Variants in EXOC3L2 observed in about 807,000 individuals in gnomAD.
EXOC3L2 encodes exocyst complex component 3-like protein 2.
Under a neutral mutation model 44.4 loss-of-function variants are expected in EXOC3L2, and 17 were observed. The observed-to-expected ratio is 0.38, with a 90% CI of 0.26 to 0.57. The LOEUF (loss-of-function observed/expected upper bound fraction) is 0.57, where lower values mean the gene tolerates loss of function less well. Among genes scored for constraint, EXOC3L2 ranks in the 20% least tolerant of loss-of-function variants. EXOC3L2 has a pLI of 0.65. For missense variants in EXOC3L2, 541 were observed against 588.4 expected (o/e 0.92, Z 0.83); for synonymous variants, 256 against 253.7 (o/e 1.01, Z -0.09).
chr19:45,215,958 A>G, intron 11 of EXOC3L2, 115 bp downstream of exon 11: 1 of 1,447,016 alleles, frequency 6.9e-7, no homozygotes, highest in Non-Finnish European at 9.3e-7. Context: ...AACGGCCGTC[A>G]GACACGCTCA....
chr19:45,245,114 C>T (rs936350814), intron 1 of EXOC3L2, among the ~76,000 whole-genome samples: 4 of 151,962 alleles, frequency 2.6e-5, no homozygotes, highest in African/African-American at 9.7e-5. Flanking sequence ...GTGGACCCCG[C>T]GAGTCCTCAA....
intron 4 of EXOC3L2, among the ~76,000 whole-genome samples, chr19:45,229,782 T>C (rs1970010172): frequency 6.7e-6 from 1 of 149,236 alleles, no homozygotes; most frequent in South Asian, 2.1e-4. Context: ...GAGGAGGAGG[T>C]TGCGGTGAGC....
chr19:45,212,940 A>G lies in EXOC3L2; in HGVS notation c.*129T>C. ...TACAGGGAGTTTGGGGTTGGGTGAA[A>G]AGACATCTAAGGGTCTTTCTATCCC... On this transcript the variant is annotated 3_prime_UTR_variant, in exon 12 of 12. Transcript: ENST00000413988. 1 of 1,113,420 alleles carries G rather than the reference A, an allele frequency of 9.0e-7. No individual in the cohort carries two copies. The highest frequency in any genetic ancestry group is 1.2e-6 in the Non-Finnish European group (1 of 835,282). The allele number at this position is 1,113,420 out of a possible 1,614,324, so 69.0% of individuals were successfully genotyped here.
chr19:45,228,760 A>G (rs995716281), intron 4 of EXOC3L2, among the ~76,000 whole-genome samples: 3 of 151,956 alleles, frequency 2.0e-5, no homozygotes, highest in Non-Finnish European at 4.4e-5. Flanking sequence ...CAACAGGGTG[A>G]GACTCCAACT....
intron 1 of EXOC3L2, among the ~76,000 whole-genome samples, chr19:45,242,848 C>T (rs537142808): frequency 2.4e-5 from 3 of 127,216 alleles, no homozygotes; most frequent in South Asian, 2.5e-4. Context: ...GGCAACAGAG[C>T]GAAACTCCAT....
At chr19:45,230,493 C>T (rs1337857172) in intron 4 of EXOC3L2, among the ~76,000 whole-genome samples, 1 of 152,140 alleles carries the variant, frequency 6.6e-6, no homozygotes, top group Non-Finnish European at 1.5e-5. Context: ...GCTGGGATTA[C>T]AGGCGTGAGC....
At chr19:45,230,606 C>A (rs1970020710) in intron 4 of EXOC3L2, among the ~76,000 whole-genome samples, 1 of 152,130 alleles carries the variant, frequency 6.6e-6, no homozygotes, top group African/African-American at 2.4e-5. Flanking sequence ...ACCTCAGCCT[C>A]CCAAAGTGCT....
intron 7 of EXOC3L2, among the ~76,000 whole-genome samples, chr19:45,225,187 G>A (rs1367191091): frequency 6.7e-6 from 1 of 149,774 alleles, no homozygotes; most frequent in Non-Finnish European, 1.5e-5. Context: ...AGGGAAGGGG[G>A]GTCTCTCTGT....
chr19:45,229,419 T>G (rs1472480836), intron 4 of EXOC3L2, among the ~76,000 whole-genome samples: 1 of 146,704 alleles, frequency 6.8e-6, no homozygotes, highest in African/African-American at 2.5e-5. Context: ...TAATAATTCA[T>G]AATACGTTAT....
chr19:45,212,798 C>G lies in EXOC3L2; in HGVS notation c.*271G>C. 1 of 384,818 alleles carries G rather than the reference C, an allele frequency of 2.6e-6. No homozygotes were observed. The highest frequency in any genetic ancestry group is 4.6e-6 in the Non-Finnish European group (1 of 218,900). The allele number at this position is 384,818 out of a possible 1,614,324, so 23.8% of individuals were successfully genotyped here. On this transcript the variant is annotated 3_prime_UTR_variant, in exon 12 of 12. Coordinates refer to ENST00000413988, the MANE Select transcript of EXOC3L2 (RefSeq NM_001382422.1). ...TTGTAGAGATAGGGGGCAGGTCTCA[C>G]TATGTTGCCCAGGCTGGTCTTGAAC...
At chr19:45,228,847 G>A (rs369648090) in intron 4 of EXOC3L2, among the ~76,000 whole-genome samples, 129 of 151,224 alleles carry the variant, frequency 8.5e-4, no homozygotes, top group African/African-American at 3.1e-3. Context: ...CGAGGCGGGT[G>A]GATCACGAGG....
At chr19:45,215,729 C>T (rs1050033329) in intron 11 of EXOC3L2, among the ~76,000 whole-genome samples, 1 of 152,178 alleles carries the variant, frequency 6.6e-6, no homozygotes, top group African/African-American at 2.4e-5. Flanking sequence ...GCCGCTGTCC[C>T]AGTGCGTGTG....
rs117631664 is a variant in EXOC3L2, at chr19:45,218,935, A to C, written c.1720-616T>G. Among the ~76,000 whole-genome samples the C allele has an allele frequency of 1.7e-3, 256 of 152,236 alleles. 7 individuals are homozygous for C. The East Asian group carries it at 0.046, about 27-fold the overall frequency. ...CAACATTGCGAGACCCCATCTCTACAAAACATTTAAAAGTTAGCTGGGACT... is the reference window on the plus strand; with the variant it reads ...CAACATTGCGAGACCCCATCTCTACCAAACATTTAAAAGTTAGCTGGGACT... On this transcript the variant is annotated intron_variant, in intron 8 of 11. Coordinates refer to ENST00000413988, the MANE Select transcript of EXOC3L2 (RefSeq NM_001382422.1).
At chr19:45,241,422 G>A (rs987040774) in intron 1 of EXOC3L2, among the ~76,000 whole-genome samples, 1 of 149,556 alleles carries the variant, frequency 6.7e-6, no homozygotes, top group Non-Finnish European at 1.5e-5. Context: ...AGATTGCAGT[G>A]AGCTGAGATC....
chr19:45,221,644 C>CTTT (rs373572170), intron 8 of EXOC3L2, among the ~76,000 whole-genome samples: 20 of 91,830 alleles, frequency 2.2e-4, no homozygotes, highest in South Asian at 3.4e-4. Context: ...CCCAGCAGGG[C>CTTT]TTTTTTTTTT....
Position 45,231,873 on chromosome 19 carries a change from C to T in EXOC3L2, c.1159G>A (p.Glu387Lys), listed in dbSNP as rs1370488740. The change falls in exon 4 of 12, where the codon GAG (glutamate) becomes AAG (lysine). Residue 387 changes from glutamate (E) to lysine (K), a missense_variant and splice_region_variant. Transcript: ENST00000413988. The stretch of plus-strand genomic sequence containing the variant: ...GCCATGTCCACCAGCCCTAGGACCT[C>T]TCTGGGGATGGGGGTGAGAGAAAAG... ...LHWHNQVYPR[E>K]VLGLVDMAAL... is the part of the protein sequence containing the mutation. 1 of 1,582,706 alleles carries T rather than the reference C, an allele frequency of 6.3e-7. No homozygotes were observed. The highest frequency in any genetic ancestry group is 8.7e-7 in the Non-Finnish European group (1 of 1,155,814).
Position 45,213,262 on chromosome 19 carries a change from G to A in EXOC3L2, c.2216C>T (p.Ser739Phe), listed in dbSNP as rs1969797527. 1.2e-6 allele frequency: 2 copies of A among 1,613,656 alleles called. No individual in the cohort carries two copies. Among genetic ancestry groups the A allele is most frequent in the African/African-American group, 1.3e-5 (1 of 74,898 alleles). Residue 739 changes from serine to phenylalanine, a missense_variant, in exon 12 of 12, where the codon TCT becomes TTT. Coordinates refer to ENST00000413988, the MANE Select transcript of EXOC3L2 (RefSeq NM_001382422.1). The part of the protein sequence containing the change: ...ILAVARDLEL[S>F]EEGALSPPRD... Reference sequence around the variant, plus strand: ...AGGGGGTGACAGGGCTCCCTCCTCAGAGAGTTCCAGGTCCCGGGCCACGGC... The same window carrying A: ...AGGGGGTGACAGGGCTCCCTCCTCAAAGAGTTCCAGGTCCCGGGCCACGGC...
At chr19:45,233,653 A>G (rs1050404695) in intron 3 of EXOC3L2, among the ~76,000 whole-genome samples, 2 of 152,170 alleles carry the variant, frequency 1.3e-5, no homozygotes, top group Non-Finnish European at 2.9e-5. Flanking sequence ...GAACTGGAAG[A>G]GTCAATGGTG....
At position 45,228,257 on chromosome 19, in the gene EXOC3L2, G is replaced by A. The variant is rs75426681; in HGVS notation, c.1279C>T (p.Arg427Trp). 45 of 1,613,870 alleles carry A rather than the reference G, an allele frequency of 2.8e-5. No homozygotes were observed. Among genetic ancestry groups the A allele is most frequent in the South Asian group, 7.7e-5 (7 of 91,076 alleles). Residue 427 changes from arginine to tryptophan, a missense_variant, in exon 5 of 12, where the codon CGG becomes TGG. By Grantham distance (101) the Arg-to-Trp change is moderately radical. Coordinates refer to ENST00000413988, the MANE Select transcript of EXOC3L2 (RefSeq NM_001382422.1). Reference sequence around the variant, plus strand: ...TGCAGCACACGGAGAAGGGCAGCCCGGGTCTGAGCCTACAGTAGGGAGAGG... The same window carrying A: ...TGCAGCACACGGAGAAGGGCAGCCCAGGTCTGAGCCTACAGTAGGGAGAGG... ...ECVTDVKAQT[R>W]AALLRVLQED...
Sources: allele counts gnomAD v4.1 joint callset (sites outside exome capture counted in the v4.1 genomes callset), GRCh38; gene constraint gnomAD v4.1.1; transcripts MANE v1.5; gene names NCBI Gene and HGNC (gene_info 2026-07-23, HGNC 2026-07-21).